The following TAFA1 variants were observed in gnomAD, a reference collection of about 807,000 sequenced individuals.
The protein encoded by TAFA1 is chemokine-like protein TAFA-1.
Under a neutral mutation model 18.5 loss-of-function variants are expected in TAFA1, and 4 were observed. The ratio of observed to expected loss-of-function variants is 0.22; its 90% CI spans 0.11 to 0.49. The LOEUF (loss-of-function observed/expected upper bound fraction) is 0.49, where lower values mean the gene tolerates loss of function less well. Ranked by LOEUF, TAFA1 falls within the 20% of genes least tolerant of loss-of-function variation. TAFA1 has a pLI of 0.98. For missense variants in TAFA1, 147 were observed against 169.0 expected (o/e 0.87, Z 0.72); for synonymous variants, 56 against 55.2 (o/e 1.01, Z -0.06).
At chr3:68,247,630 C>G (rs1157168947) in intron 2 of TAFA1, 1 of 152,252 alleles carries the variant, frequency 6.6e-6, no homozygotes, top group Non-Finnish European at 1.5e-5. Context: ...TTTATTTGTA[C>G]TTTATAAATC....
chr3:68,259,695 A>T (rs1225857204), intron 2 of TAFA1, among the ~76,000 whole-genome samples: 1 of 152,024 alleles, frequency 6.6e-6, no homozygotes, highest in Admixed American at 6.6e-5. Context: ...TTCTCTTTGA[A>T]GCAATTGTGA....
At chr3:68,027,621 A>G (rs1166797636) in intron 2 of TAFA1, among the ~76,000 whole-genome samples, 1 of 152,194 alleles carries the variant, frequency 6.6e-6, no homozygotes, top group Admixed American at 6.5e-5. Context: ...CACACATGCC[A>G]CCGTGAAGTC....
At position 68,417,290 on chromosome 3, in the gene TAFA1, G is replaced by A. The variant is rs371451375; in HGVS notation, c.129G>A (p.Thr43=). 60 of 1,612,944 alleles carry A rather than the reference G, an allele frequency of 3.7e-5. No homozygotes were observed. Among genetic ancestry groups the A allele is most frequent in the African/African-American group, 2.3e-4 (17 of 74,956 alleles). The change falls in exon 3 of 5, where the codon ACG becomes ACA. Residue 43 remains threonine (T), a synonymous_variant. Coordinates refer to ENST00000478136, the MANE Select transcript of TAFA1 (RefSeq NM_213609.4). ...QHHLHRPEGG[T]CEVIAAHRCC... is the part of the protein sequence containing the mutation. The stretch of plus-strand genomic sequence containing the variant: ...TTTCTCTCTTGCCAGAAGGAGGGAC[G>A]TGTGAAGTGATAGCAGCACACCGAT...
chr3:68,069,967 G>A (rs6548960), intron 2 of TAFA1, among the ~76,000 whole-genome samples: 135,855 of 152,184 alleles, frequency 0.89, 60,984 homozygotes, highest in South Asian at 0.95. Context: ...CTTCTTTCAC[G>A]GGCTGGCATT....
intron 3 of TAFA1, among the ~76,000 whole-genome samples, chr3:68,485,774 A>C (rs1374012110): frequency 6.6e-6 from 1 of 152,218 alleles, no homozygotes; most frequent in Non-Finnish European, 1.5e-5. Context: ...ATTTCTAGGA[A>C]ATTTTAAATA....
chr3:68,381,765 C>T (rs542878369), intron 2 of TAFA1, among the ~76,000 whole-genome samples: 3 of 151,914 alleles, frequency 2.0e-5, no homozygotes, highest in African/African-American at 4.8e-5. Flanking sequence ...CCTTTGTTTC[C>T]TTCTGCTGCC....
rs140812336 is a variant in TAFA1, at chr3:68,266,928, G to A, written c.119-150352G>A. 2.8e-3 allele frequency among the ~76,000 whole-genome samples: 367 copies of A among 133,390 alleles called. 2 individuals carry two copies. Among genetic ancestry groups the A allele is most frequent in the Middle Eastern group, 0.015 (4 of 272 alleles). The allele number at this position is 133,390 out of a possible 152,430, so 87.5% of individuals were successfully genotyped here. On this transcript the variant is annotated intron_variant, in intron 2 of 4. Coordinates refer to ENST00000478136, the MANE Select transcript of TAFA1 (RefSeq NM_213609.4). Reference sequence around the variant, plus strand: ...TGAGGCACATCCACTCTTGGGCTCAGTCAAGCAAAAGAACCTTCGGTGGAC... The same window carrying A: ...TGAGGCACATCCACTCTTGGGCTCAATCAAGCAAAAGAACCTTCGGTGGAC...
At chr3:68,506,981 G>T (rs972256314) in intron 3 of TAFA1, among the ~76,000 whole-genome samples, 16 of 152,094 alleles carry the variant, frequency 1.1e-4, no homozygotes, top group African/African-American at 3.6e-4. Context: ...ATGCAGGAAG[G>T]TCTTCGATAT....
At chr3:68,313,787 G>A (rs1027442759) in intron 2 of TAFA1, among the ~76,000 whole-genome samples, 2 of 152,140 alleles carry the variant, frequency 1.3e-5, no homozygotes, top group Non-Finnish European at 2.9e-5. Flanking sequence ...CACTATTACT[G>A]GAACTTGAAT....
chr3:68,307,652 C>G (rs543621285), intron 2 of TAFA1, among the ~76,000 whole-genome samples: 1 of 152,098 alleles, frequency 6.6e-6, no homozygotes, highest in Non-Finnish European at 1.5e-5. Context: ...GTGATTGTTA[C>G]TTTCGTTTAG....
At chr3:68,051,662 A>G (rs1054701779) in intron 2 of TAFA1, among the ~76,000 whole-genome samples, 1 of 152,146 alleles carries the variant, frequency 6.6e-6, no homozygotes, top group African/African-American at 2.4e-5. Flanking sequence ...TTTACCCTCT[A>G]ATATATGGCA....
chr3:68,508,369 A>C (rs1173818451), intron 3 of TAFA1, among the ~76,000 whole-genome samples: 1 of 152,124 alleles, frequency 6.6e-6, no homozygotes, highest in Non-Finnish European at 1.5e-5. Flanking sequence ...AGTGTTCAGA[A>C]AGACATCTTA....
At chr3:68,195,280 C>T (rs1295734481) in intron 2 of TAFA1, among the ~76,000 whole-genome samples, 2 of 148,536 alleles carry the variant, frequency 1.3e-5, no homozygotes, top group Non-Finnish European at 3.0e-5. Flanking sequence ...AGTCTGTGCC[C>T]CAGGAAAATA....
chr3:68,375,899 GAAAGAATCTCT>G (rs1310297276), intron 2 of TAFA1, among the ~76,000 whole-genome samples: 1 of 152,136 alleles, frequency 6.6e-6, no homozygotes, highest in African/African-American at 2.4e-5. Context: ...AGTCAAAAGT[GAAAGAATCTCT>G]AAAGAAGCAG....
chr3:68,066,768 A>C (rs1258338993), intron 2 of TAFA1, among the ~76,000 whole-genome samples: 2 of 152,178 alleles, frequency 1.3e-5, no homozygotes, highest in Non-Finnish European at 2.9e-5. Context: ...AGAGGCAACA[A>C]AAAGCTGAGG....
In TAFA1 at chr3:68,377,827, C is replaced by T. The variant is rs117304766; in HGVS notation, c.119-39453C>T. Reference sequence around the variant, plus strand: ...CATCAGGATTTTGTGCCCTGCATCCCAGCTGCTCCAGCTCCAGCCATGGCT... The same window carrying T: ...CATCAGGATTTTGTGCCCTGCATCCTAGCTGCTCCAGCTCCAGCCATGGCT... On this transcript the variant is annotated intron_variant, in intron 2 of 4. Transcript: ENST00000478136. 1.4e-3 allele frequency among the ~76,000 whole-genome samples: 211 copies of T among 152,264 alleles called. 6 individuals carry two copies. The East Asian group carries it at 0.035, about 25-fold the overall frequency.
chr3:68,240,372 TC>T (rs1157686277), intron 2 of TAFA1, among the ~76,000 whole-genome samples: 1 of 152,166 alleles, frequency 6.6e-6, no homozygotes, highest in Non-Finnish European at 1.5e-5. Flanking sequence ...GCAAGACTCT[TC>T]CATCTCTCTT....
At chr3:68,481,128 A>T (rs1037647632) in intron 3 of TAFA1, among the ~76,000 whole-genome samples, 2 of 152,240 alleles carry the variant, frequency 1.3e-5, no homozygotes, top group African/African-American at 4.8e-5. Flanking sequence ...GTGAAAACAA[A>T]CTAATACAAA....
intron 2 of TAFA1, among the ~76,000 whole-genome samples, chr3:68,234,396 C>T (rs1469916824): frequency 1.3e-5 from 2 of 152,084 alleles, no homozygotes; most frequent in African/African-American, 2.4e-5. Context: ...GCTTGAGGAG[C>T]GGGGAGCAAC....
Sources: allele counts gnomAD v4.1 joint callset (sites outside exome capture counted in the v4.1 genomes callset), GRCh38; gene constraint gnomAD v4.1.1; transcripts MANE v1.5; gene names NCBI Gene and HGNC (gene_info 2026-07-23, HGNC 2026-07-21).